The following UIMC1 variants were observed in gnomAD, a reference collection of about 807,000 sequenced individuals.
The protein encoded by UIMC1 is BRCA1-A complex subunit RAP80.
A neutral mutation model predicts 84.9 loss-of-function variants in UIMC1; 42 were observed. The ratio of observed to expected loss-of-function variants is 0.49; its 90% CI spans 0.39 to 0.64. The LOEUF is 0.64. UIMC1 is among the 30% of genes least tolerant of loss of function. The pLI, the probability that UIMC1 is intolerant of heterozygous loss-of-function variation, is 0.00. For missense variants in UIMC1, 825 were observed against 847.6 expected (o/e 0.97, Z 0.33); for synonymous variants, 281 against 293.0 (o/e 0.96, Z 0.42).
At chr5:176,966,430 TC>T (rs1768319721) in intron 6 of UIMC1, among the ~76,000 whole-genome samples, 1 of 152,170 alleles carries the variant, frequency 6.6e-6, no homozygotes, top group East Asian at 1.9e-4. Flanking sequence ...TCTATGAAGC[TC>T]CTCAAAGTTA....
chr5:177,001,915 A>G (rs1045500287), intron 1 of UIMC1: 1 of 143,564 alleles, frequency 7.0e-6, no homozygotes, highest in African/African-American at 2.6e-5. Flanking sequence ...ACACCACTGC[A>G]CTCCAGCCTG....
At chr5:176,999,530 C>A (rs1774142090) in intron 1 of UIMC1, among the ~76,000 whole-genome samples, 1 of 151,710 alleles carries the variant, frequency 6.6e-6, no homozygotes, top group Admixed American at 6.6e-5. Flanking sequence ...TACCCACTAA[C>A]CATCCCCACC....
chr5:176,981,021 A>T (rs1770951386), intron 2 of UIMC1, among the ~76,000 whole-genome samples: 2 of 152,118 alleles, frequency 1.3e-5, no homozygotes, highest in South Asian at 4.1e-4. Context: ...GATTATAGGG[A>T]TGAGTCACCA....
intron 9 of UIMC1, among the ~76,000 whole-genome samples, chr5:176,950,949 T>C (rs765176058): frequency 5.3e-5 from 8 of 151,880 alleles, no homozygotes; most frequent in Non-Finnish European, 1.2e-4. Flanking sequence ...ATCAGCTTTA[T>C]GGTTACTGCC....
intron 1 of UIMC1, among the ~76,000 whole-genome samples, chr5:177,004,314 A>T (rs1774968803): frequency 6.6e-6 from 1 of 152,156 alleles, no homozygotes; most frequent in South Asian, 2.1e-4. Flanking sequence ...AAATTCCAAA[A>T]TTTCCAGTGC....
chr5:176,956,455 CT>C (rs1766611307), intron 7 of UIMC1, among the ~76,000 whole-genome samples: 1 of 152,212 alleles, frequency 6.6e-6, no homozygotes, highest in Admixed American at 6.5e-5. Flanking sequence ...TGACAACACA[CT>C]TTCTCCTCCT....
chr5:176,924,999 C>G (rs796731999), intron 10 of UIMC1, among the ~76,000 whole-genome samples: 1 of 149,708 alleles, frequency 6.7e-6, no homozygotes, highest in African/African-American at 2.5e-5. Flanking sequence ...CCACTGCACT[C>G]CAGCCTGGGC....
At chr5:176,969,540 T>G (rs1354127430) in intron 5 of UIMC1, 61 bp downstream of exon 5, 8 of 1,536,358 alleles carry the variant, frequency 5.2e-6, no homozygotes, top group African/African-American at 1.4e-5. Context: ...ACTCTCAGCA[T>G]GAGATCCCTG....
intron 9 of UIMC1, among the ~76,000 whole-genome samples, chr5:176,947,473 C>T (rs1039185210): frequency 1.6e-3 from 247 of 152,250 alleles, no homozygotes; most frequent in African/African-American, 5.7e-3. Context: ...TTAGGTGTAT[C>T]TCCTAATGCT....
Position 176,969,592 on chromosome 5 carries a change from G to C in UIMC1, c.463+9C>G. On this transcript the variant is annotated intron_variant, in intron 5 of 14. Transcript: ENST00000511320. ...GATGAATGGAAGGAGTCAGAACAGGGAGACATGCCTTCAGTGAGCCCAGAG... is the reference window on the plus strand; with the variant it reads ...GATGAATGGAAGGAGTCAGAACAGGCAGACATGCCTTCAGTGAGCCCAGAG... 6.2e-7 allele frequency: 1 copy of C among 1,613,218 alleles called. No individual in the cohort carries two copies. The highest frequency in any genetic ancestry group is 8.5e-7 in the Non-Finnish European group (1 of 1,179,186).
Position 176,908,704 on chromosome 5 carries a change from A to C in UIMC1, c.1677-10T>G. 6.2e-7 allele frequency: 1 copy of C among 1,606,556 alleles called. No homozygotes were observed. Among genetic ancestry groups the C allele is most frequent in the South Asian group, 1.1e-5 (1 of 90,076 alleles). On this transcript the variant is annotated splice_polypyrimidine_tract_variant and intron_variant, in intron 11 of 14. Coordinates refer to ENST00000511320, the MANE Select transcript of UIMC1 (RefSeq NM_001199298.2). ...GTAACACTTCTCATTCCTATCCAATAAGAAAAAAGGAAGAAAACACAGTTT... is the reference window on the plus strand; with the variant it reads ...GTAACACTTCTCATTCCTATCCAATCAGAAAAAAGGAAGAAAACACAGTTT...
chr5:176,978,305 G>A (rs1021869980), intron 2 of UIMC1, among the ~76,000 whole-genome samples: 4 of 151,566 alleles, frequency 2.6e-5, no homozygotes, highest in East Asian at 2.0e-4. Flanking sequence ...CCCAGGAGGC[G>A]GAGCTTGCAG....
chr5:176,927,350 T>C (rs2149416848), intron 10 of UIMC1, among the ~76,000 whole-genome samples: 1 of 151,718 alleles, frequency 6.6e-6, no homozygotes, highest in South Asian at 2.1e-4. Context: ...ACCTCCTGGG[T>C]TCAAGCGATT....
intron 10 of UIMC1, among the ~76,000 whole-genome samples, chr5:176,940,897 G>A (rs1358298916): frequency 2.0e-5 from 3 of 152,110 alleles, no homozygotes; most frequent in Non-Finnish European, 4.4e-5. Flanking sequence ...TTATTTCACA[G>A]ATGCATAAAG....
rs35445945 is a variant in UIMC1, at chr5:176,998,466, C to CAAAAAAAAA, written c.-9+8175_-9+8183dup. On this transcript the variant is annotated intron_variant, in intron 1 of 14. Coordinates refer to ENST00000511320, the MANE Select transcript of UIMC1 (RefSeq NM_001199298.2). ...TGGACGACAGAGCAAGACTCTGTCT[C>CAAAAAAAAA]AAAAAAAAAAAAAAAAAAAGTCTGG... Among the ~76,000 whole-genome samples the CAAAAAAAAA allele has an allele frequency of 4.6e-3, 298 of 64,278 alleles. 32 individuals are homozygous for CAAAAAAAAA. The highest frequency in any genetic ancestry group is 0.029 in the Middle Eastern group (2 of 68). The allele number at this position is 64,278 out of a possible 152,430, so 42.2% of individuals were successfully genotyped here. A position where few individuals can be genotyped will look rare whatever the true frequency, so the allele number is the denominator to read the frequency against.
At position 176,965,635 on chromosome 5, in the gene UIMC1, A is replaced by G. The variant is rs183855588; in HGVS notation, c.1200+2920T>C. Reference sequence around the variant, plus strand: ...TGTGCCTAGCCAAGTCCTCTTTTTAATTAAGCTAGCTTAATTCAGTTTACT... The same window carrying G: ...TGTGCCTAGCCAAGTCCTCTTTTTAGTTAAGCTAGCTTAATTCAGTTTACT... On this transcript the variant is annotated intron_variant, in intron 6 of 14. Transcript: ENST00000511320. 2.1e-3 allele frequency among the ~76,000 whole-genome samples: 323 copies of G among 152,268 alleles called. 1 individual carries two copies. Among genetic ancestry groups the G allele is most frequent in the Non-Finnish European group, 3.5e-3 (239 of 68,024 alleles).
chr5:176,913,547 T>C (rs1760541363), intron 10 of UIMC1, among the ~76,000 whole-genome samples: 1 of 152,244 alleles, frequency 6.6e-6, no homozygotes, highest in Non-Finnish European at 1.5e-5. Context: ...AACCATGGGC[T>C]ACCCCATGTG....
chr5:176,994,320 TATC>T (rs1274374873), intron 1 of UIMC1, among the ~76,000 whole-genome samples: 41 of 152,068 alleles, frequency 2.7e-4, no homozygotes, highest in African/African-American at 9.9e-4. Flanking sequence ...AGATATTCAA[TATC>T]ATTATTCATC....
At position 176,970,339 on chromosome 5, in the gene UIMC1, A is replaced by AT. The variant is rs1256312693; in HGVS notation, c.357+402dup. 5 of 194,192 alleles carry AT rather than the reference A, an allele frequency of 2.6e-5. No homozygotes were observed. The East Asian group carries it at 4.5e-4, about 17-fold the overall frequency. 12.0% of individuals were successfully genotyped at this position (194,192 alleles called of 1,614,324 possible). ...AATGACAATTTAACTTTATTTCATT[A>AT]TTTTTTTAAAACTGCCCATTCTTTC... On this transcript the variant is annotated intron_variant, in intron 4 of 14. Transcript: ENST00000511320.
Sources: gnomAD v4.1 joint callset for allele counts (sites outside exome capture counted in the v4.1 genomes callset) on GRCh38, gnomAD v4.1.1 for gene constraint, MANE v1.5 for transcripts, NCBI Gene and HGNC (gene_info 2026-07-23, HGNC 2026-07-21) for gene names.